ZNF462: variants seen among roughly 807,000 people sequenced by gnomAD.
ZNF462 encodes zinc finger protein 462.
Under a neutral mutation model 201.9 loss-of-function variants are expected in ZNF462, and 10 were observed. The ratio of observed to expected loss-of-function variants is 0.05; its 90% CI spans 0.03 to 0.08. The LOEUF (loss-of-function observed/expected upper bound fraction) is 0.08. Ranked by LOEUF, ZNF462 falls within the 10% of genes least tolerant of loss-of-function variation. The probability of loss-of-function intolerance (pLI) is 1.00; values close to 1 mark genes in which losing one functional copy is unlikely to be tolerated. For synonymous variants in ZNF462, 1,227 were observed against 1,193.3 expected (o/e 1.03, Z -0.58); for missense variants, 2,523 against 3,168.3 (o/e 0.80, Z 4.89).
At chr9:106,908,330 T>A (rs1305679342) in intron 1 of ZNF462, among the ~76,000 whole-genome samples, 1 of 152,124 alleles carries the variant, frequency 6.6e-6, no homozygotes, top group Admixed American at 6.5e-5. Flanking sequence ...TATTTCTTTA[T>A]TTATTTGGTG....
At chr9:106,864,039 G>GCTCGCTCT (rs1827179488) in intron 1 of ZNF462, among the ~76,000 whole-genome samples, 2 of 22,760 alleles carry the variant, frequency 8.8e-5, no homozygotes, top group East Asian at 1.3e-3. Flanking sequence ...CAGGTATTTG[G>GCTCGCTCT]CTCTCTCTCT....
intron 1 of ZNF462, among the ~76,000 whole-genome samples, chr9:106,900,277 C>T (rs997674400): frequency 4.7e-5 from 7 of 147,822 alleles, no homozygotes; most frequent in African/African-American, 1.5e-4. Context: ...TTAATCCACT[C>T]GTTGATTGAT....
intron 10 of ZNF462, among the ~76,000 whole-genome samples, chr9:106,990,516 T>A (rs1031050628): frequency 1.3e-5 from 2 of 152,038 alleles, no homozygotes; most frequent in African/African-American, 4.8e-5. Flanking sequence ...GTTAGTGGAG[T>A]ATTGAAGTCC....
At chr9:106,914,118 G>A (rs1829667914) in intron 1 of ZNF462, among the ~76,000 whole-genome samples, 1 of 149,650 alleles carries the variant, frequency 6.7e-6, no homozygotes, top group Non-Finnish European at 1.5e-5. Flanking sequence ...ATAGCATGAG[G>A]GCTGCTAAGA....
rs1830068220 is a variant in ZNF462, at chr9:106,923,539, T to C, written c.156T>C (p.Ser52=). The C allele has an allele frequency of 1.2e-6, 2 of 1,614,242 alleles. No individual in the cohort carries two copies. Among genetic ancestry groups the C allele is most frequent in the Non-Finnish European group, 1.7e-6 (2 of 1,180,046 alleles). Residue 52 remains serine (S), a synonymous_variant, in exon 2 of 13, where the codon AGT becomes AGC. Coordinates refer to ENST00000277225, the MANE Select transcript of ZNF462 (RefSeq NM_021224.6). The surrounding 1 kb of genome is among the most constrained non-coding windows in gnomAD (Gnocchi z 5.6). ...NELRCGSVNA[S]NQTEVEFSSI... is the part of the protein sequence containing the mutation. The stretch of plus-strand genomic sequence containing the variant: ...TACGATGTGGGTCCGTGAATGCCAG[T>C]AATCAGACAGAGGTGGAGTTTTCTT...
intron 7 of ZNF462, among the ~76,000 whole-genome samples, chr9:106,967,050 A>G (rs533417901): frequency 1.2e-4 from 18 of 152,182 alleles, no homozygotes; most frequent in African/African-American, 2.4e-4. Context: ...TTGCTGCCCA[A>G]TTGACTCTTA....
intron 7 of ZNF462, among the ~76,000 whole-genome samples, chr9:106,967,060 A>C (rs1832106909): frequency 6.6e-6 from 1 of 151,988 alleles, no homozygotes; most frequent in South Asian, 2.1e-4. Context: ...ATTGACTCTT[A>C]TTCTTCCTTG....
chr9:106,928,730 T>C lies in ZNF462; in HGVS notation c.4818T>C (p.Asp1606=), dbSNP rs964201914. 1.9e-6 allele frequency: 3 copies of C among 1,613,984 alleles called. No homozygotes were observed. In the African/African-American group the frequency reaches 4.0e-5, roughly 22 times the overall value. The part of the protein sequence containing the change: ...YEKYHNQPEF[D]VFSQSPPKLP... ...AGTATCACAATCAGCCTGAATTTGA[T>C]GTCTTTTCCCAGTCGCCCCCGAAGC... Residue 1606 remains aspartate, a synonymous_variant, in exon 3 of 13, where the codon GAT becomes GAC. Transcript: ENST00000277225. This position sits in a 1 kb window ranked among gnomAD's most constrained non-coding sequence, Gnocchi z 9.3.
intron 6 of ZNF462, among the ~76,000 whole-genome samples, chr9:106,937,551 A>T (rs1176001054): frequency 4.6e-5 from 7 of 152,126 alleles, no homozygotes; most frequent in Non-Finnish European, 8.8e-5. Flanking sequence ...TTAAAAATAC[A>T]TGTTCATTAG....
At chr9:106,912,092 A>C (rs368421873) in intron 1 of ZNF462, among the ~76,000 whole-genome samples, 2 of 152,120 alleles carry the variant, frequency 1.3e-5, no homozygotes, top group African/African-American at 4.8e-5. Context: ...TCCATTTTAC[A>C]TGAACCGACC....
intron 7 of ZNF462, among the ~76,000 whole-genome samples, chr9:106,956,809 GCTTC>G (rs1831595611): frequency 6.6e-6 from 1 of 152,112 alleles, no homozygotes; most frequent in African/African-American, 2.4e-5. Context: ...ACCTCTGCTA[GCTTC>G]AGACATTTCT....
rs1450297526 is a variant in ZNF462, at chr9:106,926,684, C to T, written c.2772C>T (p.Ile924=). The change falls in exon 3 of 13, where the codon ATC becomes ATT. Residue 924 remains isoleucine (I), a synonymous_variant. Coordinates refer to ENST00000277225, the MANE Select transcript of ZNF462 (RefSeq NM_021224.6). This position sits in a 1 kb window ranked among gnomAD's most constrained non-coding sequence, Gnocchi z 7.9. ...TCAACTTTGATCACTCGGACCTGAT[C>T]TACCGGTGTCGGTTTTGTTCATACA... ...NVLNFDHSDL[I]YRCRFCSYTS... The T allele has an allele frequency of 1.2e-6, 2 of 1,614,102 alleles. No individual in the cohort carries two copies. Among genetic ancestry groups the T allele is most frequent in the Non-Finnish European group, 1.7e-6 (2 of 1,180,008 alleles).
rs1029918865 is a variant in ZNF462 at position 106,913,917 on chromosome 9, A to G, written c.-30-9437A>G. ...GTGCCCAGCTGACTTGACCATTTTT[A>G]ATGACATTTGCCCCTTACTCACAAA... On this transcript the variant is annotated intron_variant, in intron 1 of 12. Coordinates refer to ENST00000277225, the MANE Select transcript of ZNF462 (RefSeq NM_021224.6). The surrounding 1 kb of genome is among the most constrained non-coding windows in gnomAD (Gnocchi z 4.1). Among the ~76,000 whole-genome samples the G allele has an allele frequency of 5.3e-5, 8 of 150,410 alleles. No homozygotes were observed. Among genetic ancestry groups the G allele is most frequent in the African/African-American group, 1.9e-4 (8 of 41,252 alleles).
intron 1 of ZNF462, among the ~76,000 whole-genome samples, chr9:106,892,801 C>T (rs1828645639): frequency 6.6e-6 from 1 of 152,128 alleles, no homozygotes; most frequent in Non-Finnish European, 1.5e-5. Context: ...ACCTTGCTAA[C>T]CCAGAGACTT....
intron 7 of ZNF462, among the ~76,000 whole-genome samples, chr9:106,969,424 T>C (rs1826468857): frequency 6.6e-6 from 1 of 152,160 alleles, no homozygotes; most frequent in Non-Finnish European, 1.5e-5. Flanking sequence ...TGAAATAATA[T>C]GCAATAGGCC....
intron 7 of ZNF462, among the ~76,000 whole-genome samples, chr9:106,965,228 G>A (rs1832018584): frequency 1.3e-5 from 2 of 152,054 alleles, no homozygotes. Flanking sequence ...GATCCCCAAG[G>A]ATGCAATACG....
At position 106,962,853 on chromosome 9, in the gene ZNF462, G is replaced by T. The variant is rs746041230; in HGVS notation, c.6428-9152G>T. Among the ~76,000 whole-genome samples the T allele has an allele frequency of 1.3e-5, 2 of 151,910 alleles. No individual in the cohort carries two copies. Among genetic ancestry groups the T allele is most frequent in the African/African-American group, 4.8e-5 (2 of 41,380 alleles). On this transcript the variant is annotated intron_variant, in intron 7 of 12. Coordinates refer to ENST00000277225, the MANE Select transcript of ZNF462 (RefSeq NM_021224.6). This position sits in a 1 kb window ranked among gnomAD's most constrained non-coding sequence, Gnocchi z 4.6. ...AGCATCCATTGTCCCCCTGGCCATT[G>T]TATCATAATCTTGTGCGTCCAGGCC...
intron 8 of ZNF462, among the ~76,000 whole-genome samples, chr9:106,973,562 G>A (rs545475312): frequency 1.1e-4 from 16 of 152,250 alleles, no homozygotes; most frequent in Non-Finnish European, 2.2e-4. Context: ...TGGCTTTATC[G>A]ATTTTAATGA....
chr9:106,891,086 TG>T lies in ZNF462; in HGVS notation c.-31+27732del, dbSNP rs1828556624. On this transcript the variant is annotated intron_variant, in intron 1 of 12. Transcript: ENST00000277225. ...TACACCGGCTGAAAAAGGAGATGAT[TG>T]ATTTCTAGGAAATGGGAGATTGTTT... 2.6e-5 allele frequency among the ~76,000 whole-genome samples: 4 copies of T among 152,228 alleles called. No individual in the cohort carries two copies. In the South Asian group the frequency reaches 8.3e-4, roughly 32 times the overall value.
Sources: gnomAD v4.1 joint callset for allele counts (sites outside exome capture counted in the v4.1 genomes callset) on GRCh38, gnomAD v4.1.1 for gene constraint, Gnocchi (gnomAD v3.1) non-coding constraint, MANE v1.5 for transcripts, NCBI Gene and HGNC (gene_info 2026-07-23, HGNC 2026-07-21) for gene names.